WWOX: variants seen among roughly 807,000 people sequenced by gnomAD.
The protein encoded by WWOX is WW domain containing oxidoreductase.
Under a neutral mutation model 46.2 loss-of-function variants are expected in WWOX, and 69 were observed. The ratio of observed to expected loss-of-function variants is 1.49; its 90% CI spans 1.23 to 1.82. WWOX has a LOEUF of 1.82. Ranked by LOEUF, WWOX falls within the 40% of genes most tolerant of loss-of-function variation. The probability of loss-of-function intolerance (pLI) is 0.00; values close to 1 mark genes in which losing one functional copy is unlikely to be tolerated. For synonymous variants in WWOX, 359 were observed against 202.6 expected, an observed-to-expected ratio of 1.77 and a Z score of -6.56; for missense variants, 919 against 542.6, an observed-to-expected ratio of 1.69 and a Z score of -6.89.
At chr16:79,049,722 G>C (rs2048130957) in intron 8 of WWOX, among the ~76,000 whole-genome samples, 1 of 151,752 alleles carries the variant, frequency 6.6e-6, no homozygotes. Context: ...TGTAATCCCA[G>C]CCACTTGGGA....
intron 8 of WWOX, among the ~76,000 whole-genome samples, chr16:79,175,369 G>A (rs2050780196): frequency 6.6e-6 from 1 of 152,128 alleles, no homozygotes. Flanking sequence ...TCTGGGTGTG[G>A]GTTTTAAATA....
chr16:78,636,030 C>G (rs2151667441), intron 8 of WWOX, among the ~76,000 whole-genome samples: 1 of 152,282 alleles, frequency 6.6e-6, no homozygotes, highest in South Asian at 2.1e-4. Context: ...ATGGACGGTC[C>G]TTATGCTCGC....
At chr16:78,977,940 C>G (rs994171008) in intron 8 of WWOX, among the ~76,000 whole-genome samples, 3 of 151,630 alleles carry the variant, frequency 2.0e-5, no homozygotes, top group Non-Finnish European at 2.9e-5. Context: ...GTAGACAGTT[C>G]AATAGCAGTA....
At chr16:78,888,731 G>A (rs1014050291) in intron 8 of WWOX, among the ~76,000 whole-genome samples, 6 of 152,196 alleles carry the variant, frequency 3.9e-5, no homozygotes, top group Non-Finnish European at 5.9e-5. Flanking sequence ...ACTAGACAAC[G>A]AAATACATTC....
At chr16:78,959,367 A>G (rs1453791295) in intron 8 of WWOX, among the ~76,000 whole-genome samples, 3 of 152,240 alleles carry the variant, frequency 2.0e-5, no homozygotes, top group African/African-American at 7.2e-5. Context: ...GCAAAGAGAG[A>G]TAGAGATGTC....
chr16:78,714,413 G>A (rs1265467819), intron 8 of WWOX, among the ~76,000 whole-genome samples: 2 of 151,856 alleles, frequency 1.3e-5, no homozygotes, highest in Admixed American at 6.6e-5. Flanking sequence ...TCACTGTCAC[G>A]AGAACAGCAT....
At chr16:78,605,412 G>C (rs2045731779) in intron 8 of WWOX, among the ~76,000 whole-genome samples, 1 of 150,818 alleles carries the variant, frequency 6.6e-6, no homozygotes, top group South Asian at 2.1e-4. Context: ...TCATGTCAAG[G>C]GAGGGAACCT....
intron 8 of WWOX, among the ~76,000 whole-genome samples, chr16:78,566,580 A>G (rs1346400769): frequency 3.9e-5 from 6 of 152,156 alleles, no homozygotes; most frequent in African/African-American, 7.2e-5. Flanking sequence ...GGGAGGGTGT[A>G]AGTGCTCAGA....
intron 5 of WWOX, among the ~76,000 whole-genome samples, chr16:78,242,568 C>T (rs769077311): frequency 3.3e-5 from 5 of 152,084 alleles, no homozygotes; most frequent in Admixed American, 2.0e-4. Flanking sequence ...GTGAGGGAGA[C>T]GTGGAACCAG....
chr16:78,549,479 C>T (rs901867710), intron 8 of WWOX, among the ~76,000 whole-genome samples: 6 of 152,112 alleles, frequency 3.9e-5, no homozygotes, highest in African/African-American at 1.4e-4. Context: ...ATATGCGGTT[C>T]AGAGAAAGTT....
intron 8 of WWOX, among the ~76,000 whole-genome samples, chr16:78,770,908 A>T (rs2050048564): frequency 6.6e-6 from 1 of 152,258 alleles, no homozygotes. Flanking sequence ...AGGCAGAGCG[A>T]GGAGCGTAAG....
chr16:79,047,672 A>ATTTTTTT (rs71140858), intron 8 of WWOX, among the ~76,000 whole-genome samples: 14 of 53,542 alleles, frequency 2.6e-4, no homozygotes, highest in Non-Finnish European at 3.9e-4. Context: ...GACTGTCCTG[A>ATTTTTTT]TTTTTTTTTT....
At chr16:78,751,966 C>G (rs1567535915) in intron 8 of WWOX, among the ~76,000 whole-genome samples, 1 of 151,742 alleles carries the variant, frequency 6.6e-6, no homozygotes, top group African/African-American at 2.4e-5. Flanking sequence ...TGGAAGTGGG[C>G]TGCCACAATA....
At chr16:78,711,394 CT>C (rs2048441829) in intron 8 of WWOX, among the ~76,000 whole-genome samples, 1 of 152,138 alleles carries the variant, frequency 6.6e-6, no homozygotes, top group African/African-American at 2.4e-5. Context: ...ACTGTATATG[CT>C]TTGGAGGGAA....
At chr16:78,779,259 C>T (rs1438932173) in intron 8 of WWOX, among the ~76,000 whole-genome samples, 1 of 152,178 alleles carries the variant, frequency 6.6e-6, no homozygotes, top group African/African-American at 2.4e-5. Flanking sequence ...ATCCTCCCAT[C>T]TCAGCCTCCT....
chr16:78,932,190 C>G (rs539929802), intron 8 of WWOX, among the ~76,000 whole-genome samples: 3 of 152,162 alleles, frequency 2.0e-5, no homozygotes, highest in South Asian at 4.1e-4. Flanking sequence ...CCCAGTCCTT[C>G]GAACATGGAG....
chr16:78,336,924 G>A (rs9939517), intron 5 of WWOX, among the ~76,000 whole-genome samples: 4 of 151,904 alleles, frequency 2.6e-5, no homozygotes, highest in Admixed American at 1.3e-4. Flanking sequence ...GATTACAGGC[G>A]CCCGCCACCA....
chr16:79,154,992 C>T (rs551355608), intron 8 of WWOX, among the ~76,000 whole-genome samples: 8 of 152,156 alleles, frequency 5.3e-5, no homozygotes, highest in Non-Finnish European at 1.0e-4. Context: ...TGATGTCATG[C>T]TTATTTCAAA....
chr16:78,205,772 C>G (rs991445288), intron 5 of WWOX, among the ~76,000 whole-genome samples: 12 of 151,994 alleles, frequency 7.9e-5, no homozygotes, highest in Admixed American at 1.3e-4. Context: ...CCCACCCCAC[C>G]CACCTATCCT....
Sources: allele counts gnomAD v4.1 joint callset (sites outside exome capture counted in the v4.1 genomes callset), GRCh38; gene constraint gnomAD v4.1.1; transcripts MANE v1.5; gene names NCBI Gene and HGNC (gene_info 2026-07-23, HGNC 2026-07-21).